OMA1: variants seen among roughly 807,000 people sequenced by gnomAD.
OMA1 encodes the protein OMA1 zinc metallopeptidase.
OMA1 carries 38 observed loss-of-function variants against 30.9 expected under a neutral mutation model. The ratio of observed to expected loss-of-function variants is 1.23; its 90% CI spans 0.95 to 1.61. The LOEUF is 1.61. Among genes scored for constraint, OMA1 ranks in the 40% most tolerant of loss-of-function variants. The pLI is 0.00. For missense variants in OMA1, 461 were observed against 349.2 expected (o/e 1.32, Z -2.55); for synonymous variants, 173 against 121.9 (o/e 1.42, Z -2.76).
intron 7 of OMA1, among the ~76,000 whole-genome samples, chr1:58,525,968 T>C (rs1401858747): frequency 6.6e-6 from 1 of 152,052 alleles, no homozygotes; most frequent in Non-Finnish European, 1.5e-5. Flanking sequence ...CTTTTTTCCA[T>C]AAACAGTGCT....
chr1:58,518,655 G>C (rs1034251731), intron 7 of OMA1, among the ~76,000 whole-genome samples: 1 of 151,634 alleles, frequency 6.6e-6, no homozygotes, highest in African/African-American at 2.4e-5. Context: ...AGGACTCCAG[G>C]GTTTTTTTTC....
chr1:58,544,747 C>T (rs1234179890), intron 1 of OMA1, among the ~76,000 whole-genome samples: 1 of 152,120 alleles, frequency 6.6e-6, no homozygotes, highest in African/African-American at 2.4e-5. Context: ...GCATGCATTA[C>T]CACATCTGGC....
At chr1:58,529,152 A>G (rs1288575873) in intron 6 of OMA1, among the ~76,000 whole-genome samples, 1 of 152,196 alleles carries the variant, frequency 6.6e-6, no homozygotes, top group Admixed American at 6.5e-5. Context: ...CTTTACTTCA[A>G]TATAAATGAA....
chr1:58,516,969 G>A (rs1646167191), intron 7 of OMA1, among the ~76,000 whole-genome samples: 1 of 152,140 alleles, frequency 6.6e-6, no homozygotes, highest in Non-Finnish European at 1.5e-5. Context: ...TTAGGAAAAG[G>A]AGGATTATGT....
At chr1:58,533,091 CAA>C (rs994178071) in intron 5 of OMA1, among the ~76,000 whole-genome samples, 20 of 152,102 alleles carry the variant, frequency 1.3e-4, no homozygotes, top group African/African-American at 4.8e-4. Flanking sequence ...CTAATGTAGA[CAA>C]AAGAGCCATT....
At chr1:58,494,810 C>T (rs1347133116) in intron 8 of OMA1, among the ~76,000 whole-genome samples, 1 of 152,210 alleles carries the variant, frequency 6.6e-6, no homozygotes, top group African/African-American at 2.4e-5. Flanking sequence ...AACACCTTTA[C>T]ACTGTTGGTG....
intron 8 of OMA1, among the ~76,000 whole-genome samples, chr1:58,500,592 TAAAG>T (rs1645890645): frequency 6.6e-6 from 1 of 152,208 alleles, no homozygotes. Context: ...GTGAATTTGA[TAAAG>T]ATTTTTTTAA....
intron 7 of OMA1, among the ~76,000 whole-genome samples, chr1:58,524,240 T>C (rs1359067725): frequency 6.6e-6 from 1 of 152,226 alleles, no homozygotes; most frequent in Non-Finnish European, 1.5e-5. Context: ...ATTAAAAACC[T>C]GTTCCGGCAG....
chr1:58,521,734 T>C (rs1330137749), intron 7 of OMA1, among the ~76,000 whole-genome samples: 1 of 152,154 alleles, frequency 6.6e-6, no homozygotes, highest in Non-Finnish European at 1.5e-5. Flanking sequence ...ATCTGAATAG[T>C]TCTATATCTA....
chr1:58,543,265 T>C (rs886605851), intron 1 of OMA1, among the ~76,000 whole-genome samples: 8 of 152,222 alleles, frequency 5.3e-5, no homozygotes, highest in African/African-American at 1.9e-4. Context: ...TTTTTGTAAA[T>C]TGACAGCATT....
rs1222738926 is a variant in OMA1 at position 58,539,005 on chromosome 1, C to A, written c.290G>T (p.Cys97Phe). 1 of 872,842 alleles carries A rather than the reference C, an allele frequency of 1.1e-6. No homozygotes were observed. The highest frequency in any genetic ancestry group is 2.4e-5 in the East Asian group (1 of 41,696). 54.1% of individuals were successfully genotyped at this position (872,842 alleles called of 1,614,324 possible). The part of the protein sequence containing the change: ...SKEIWRITSK[C>F]TVWNDAFSRQ... ...TGAAAAAGCATCATTCCATACAGTA[C>A]ATTTGCTGGTAATCCTCCAAATTTC... Residue 97 changes from cysteine (C) to phenylalanine (F), a missense_variant, in exon 2 of 9, where the codon TGT becomes TTT. By Grantham distance (205) the Cys-to-Phe change is radical (BLOSUM62 -2). Transcript: ENST00000371226.
At chr1:58,490,657 G>A (rs1460963228) in intron 8 of OMA1, among the ~76,000 whole-genome samples, 5 of 152,032 alleles carry the variant, frequency 3.3e-5, no homozygotes, top group Non-Finnish European at 5.9e-5. Context: ...CACCAAAGTT[G>A]AAATGAAGGA....
intron 8 of OMA1, among the ~76,000 whole-genome samples, chr1:58,485,261 G>T (rs2100358101): frequency 7.6e-6 from 1 of 131,742 alleles, no homozygotes; most frequent in Admixed American, 7.2e-5. Context: ...AAAAAAGCTG[G>T]CCTGGAAGTA....
intron 8 of OMA1, among the ~76,000 whole-genome samples, chr1:58,488,867 GAACAT>G (rs1289655786): frequency 1.3e-5 from 2 of 152,214 alleles, no homozygotes; most frequent in Non-Finnish European, 2.9e-5. Context: ...TTATCAGTGA[GAACAT>G]AACATTTTTA....
intron 8 of OMA1, among the ~76,000 whole-genome samples, chr1:58,484,290 C>G (rs180741114): frequency 6.6e-6 from 1 of 152,176 alleles, no homozygotes; most frequent in East Asian, 1.9e-4. Context: ...TTAAAAAAAT[C>G]TTTTCTCACC....
At chr1:58,523,223 C>T (rs1289102623) in intron 7 of OMA1, among the ~76,000 whole-genome samples, 1 of 152,190 alleles carries the variant, frequency 6.6e-6, no homozygotes, top group Admixed American at 6.5e-5. Context: ...TCACTCCCCA[C>T]CTTTTTTGCC....
chr1:58,531,102 T>A (rs1287498535), intron 5 of OMA1, among the ~76,000 whole-genome samples: 1 of 152,206 alleles, frequency 6.6e-6, no homozygotes, highest in Non-Finnish European at 1.5e-5. Flanking sequence ...CAGCTATTAC[T>A]AAAAGGACCA....
intron 7 of OMA1, among the ~76,000 whole-genome samples, chr1:58,518,398 AAG>A (rs1646207123): frequency 6.6e-6 from 1 of 151,524 alleles, no homozygotes; most frequent in South Asian, 2.1e-4. Context: ...GAAAAAAGAA[AAG>A]AGAATATCAT....
At chr1:58,490,722 C>T (rs1488489018) in intron 8 of OMA1, among the ~76,000 whole-genome samples, 1 of 149,634 alleles carries the variant, frequency 6.7e-6, no homozygotes, top group Non-Finnish European at 1.5e-5. Flanking sequence ...AAGGGAAGCC[C>T]ATCAGACTAA....
Sources: allele counts gnomAD v4.1 joint callset (sites outside exome capture counted in the v4.1 genomes callset), GRCh38; gene constraint gnomAD v4.1.1; transcripts MANE v1.5; gene names NCBI Gene and HGNC (gene_info 2026-07-23, HGNC 2026-07-21).